ZNF644: variants seen among roughly 807,000 people sequenced by gnomAD.
ZNF644 encodes zinc finger protein 644.
A neutral mutation model predicts 108.0 loss-of-function variants in ZNF644; 20 were observed. That is an observed-to-expected ratio of 0.19 (90% CI 0.13 to 0.27). The LOEUF (loss-of-function observed/expected upper bound fraction) is 0.27, where lower values mean the gene tolerates loss of function less well. ZNF644 is among the 10% of genes least tolerant of loss of function. The probability of loss-of-function intolerance (pLI) is 1.00; values close to 1 mark genes in which losing one functional copy is unlikely to be tolerated. For missense variants in ZNF644, 1,338 were observed against 1,548.9 expected (o/e 0.86, Z 2.29); for synonymous variants, 542 against 539.1 (o/e 1.01, Z -0.08).
chr1:90,926,409 C>CT lies in ZNF644; in HGVS notation c.3689-8256dup, dbSNP rs74343211. The stretch of plus-strand genomic sequence containing the variant: ...TAGCCAACCCATTCAACATAACTTC[C>CT]TGTCTCACCCTTCCTCCTTTGAAGG... On this transcript the variant is annotated intron_variant, in intron 4 of 5. Coordinates refer to ENST00000337393, the MANE Select transcript of ZNF644 (RefSeq NM_201269.3). 1.1e-4 allele frequency among the ~76,000 whole-genome samples: 17 copies of CT among 152,274 alleles called. No individual in the cohort carries two copies. In the East Asian group the frequency reaches 3.3e-3, roughly 29 times the overall value.
intron 1 of ZNF644, chr1:91,020,760 G>A (rs1170699664): frequency 1.3e-5 from 2 of 151,958 alleles, no homozygotes; most frequent in African/African-American, 4.8e-5. Flanking sequence ...ACTACTGCAG[G>A]GAGGGAATAC....
In ZNF644 at chr1:90,937,668, G is replaced by A. The variant is rs1651479352; in HGVS notation, c.3505C>T (p.Leu1169Phe). 1.2e-6 allele frequency: 2 copies of A among 1,613,926 alleles called. No individual in the cohort carries two copies. Among genetic ancestry groups the A allele is most frequent in the East Asian group, 2.2e-5 (1 of 44,860 alleles). The change falls in exon 4 of 6, where the codon CTT becomes TTT. Residue 1169 changes from leucine to phenylalanine, a missense_variant. By Grantham distance (22) the Leu-to-Phe change is conservative. Transcript: ENST00000337393. ...TTTTTAAGAAGTTCTATGAGTGTAA[G>A]AGACTGATTCTTTTTCCCACTGGGC... ...ELPSGKKNQS[L>F]TLIELLKNKR...
chr1:90,992,913 G>A (rs897895917), intron 1 of ZNF644, among the ~76,000 whole-genome samples: 1 of 152,026 alleles, frequency 6.6e-6, no homozygotes, highest in African/African-American at 2.4e-5. Flanking sequence ...GTGTGGTGGT[G>A]CATGTCTGTG....
intron 2 of ZNF644, among the ~76,000 whole-genome samples, chr1:90,974,357 A>C (rs894586766): frequency 1.1e-4 from 16 of 152,124 alleles, no homozygotes; most frequent in African/African-American, 3.4e-4. Flanking sequence ...AGGGACATTA[A>C]GATTTCACGC....
intron 2 of ZNF644, among the ~76,000 whole-genome samples, chr1:90,960,889 T>C (rs1167406979): frequency 2.6e-5 from 4 of 151,916 alleles, no homozygotes; most frequent in Non-Finnish European, 5.9e-5. Flanking sequence ...ACATCCTCAT[T>C]AAAAGAAAAT....
chr1:91,016,275 C>T (rs993379970), intron 1 of ZNF644, among the ~76,000 whole-genome samples: 1 of 152,192 alleles, frequency 6.6e-6, no homozygotes, highest in Non-Finnish European at 1.5e-5. Context: ...ACTAGTTTTA[C>T]AGTCATACAT....
chr1:90,995,489 CA>C (rs1238496858), intron 1 of ZNF644, among the ~76,000 whole-genome samples: 1 of 151,864 alleles, frequency 6.6e-6, no homozygotes, highest in Admixed American at 6.6e-5. Context: ...AAATAATGGC[CA>C]AAACATTTCA....
rs1557600260 is a variant in ZNF644, at chr1:90,959,846, TCA to T, written c.45-18539_45-18538del. 7.9e-5 allele frequency among the ~76,000 whole-genome samples: 12 copies of T among 152,310 alleles called. No homozygotes were observed. In the South Asian group the frequency reaches 2.5e-3, roughly 32 times the overall value. On this transcript the variant is annotated intron_variant, in intron 2 of 5. Transcript: ENST00000337393. ...AGTCCCTCATCTACAGTTTTACTTT[TCA>T]CAGTTTCAGTTACCTGAAGTCAACC...
At chr1:90,949,291 G>A (rs1404494745) in intron 2 of ZNF644, among the ~76,000 whole-genome samples, 1 of 151,796 alleles carries the variant, frequency 6.6e-6, no homozygotes, top group Non-Finnish European at 1.5e-5. Flanking sequence ...GAACAAAACT[G>A]AAAGTGCTAC....
At chr1:90,918,446 A>G (rs1649054948) in intron 4 of ZNF644, 1 of 294,806 alleles carries the variant, frequency 3.4e-6, no homozygotes. Flanking sequence ...AAATGTAACT[A>G]AATAACTTGA....
chr1:90,980,357 A>G (rs1237263151), intron 2 of ZNF644, among the ~76,000 whole-genome samples: 1 of 152,218 alleles, frequency 6.6e-6, no homozygotes, highest in Admixed American at 6.5e-5. Flanking sequence ...TAGGACTAGA[A>G]CTAGGAATAT....
chr1:90,963,774 G>A (rs1440805323), intron 2 of ZNF644, among the ~76,000 whole-genome samples: 1 of 152,070 alleles, frequency 6.6e-6, no homozygotes, highest in African/African-American at 2.4e-5. Flanking sequence ...AGAAAAAACA[G>A]GGATAGTGAC....
chr1:91,012,965 TGA>T (rs1660097228), intron 1 of ZNF644, among the ~76,000 whole-genome samples: 1 of 152,226 alleles, frequency 6.6e-6, no homozygotes, highest in Non-Finnish European at 1.5e-5. Context: ...ATTCCCTAAA[TGA>T]AACACTTTCC....
At chr1:91,003,396 C>G (rs919165776) in intron 1 of ZNF644, among the ~76,000 whole-genome samples, 4 of 152,060 alleles carry the variant, frequency 2.6e-5, no homozygotes, top group African/African-American at 9.7e-5. Flanking sequence ...ATGGATGAAG[C>G]TGGAAACCAT....
intron 2 of ZNF644, among the ~76,000 whole-genome samples, chr1:90,942,055 G>T (rs145496095): frequency 6.6e-6 from 1 of 151,958 alleles, no homozygotes; most frequent in Non-Finnish European, 1.5e-5. Flanking sequence ...TTAGTAAAGC[G>T]AATTTTAACT....
intron 2 of ZNF644, among the ~76,000 whole-genome samples, chr1:90,948,623 T>C (rs900442960): frequency 2.0e-5 from 3 of 152,220 alleles, no homozygotes; most frequent in Non-Finnish European, 4.4e-5. Context: ...CTGTATTTTT[T>C]ATCTGCATTT....
intron 1 of ZNF644, among the ~76,000 whole-genome samples, chr1:90,986,892 C>T (rs1657154715): frequency 6.6e-6 from 1 of 151,678 alleles, no homozygotes; most frequent in African/African-American, 2.4e-5. Flanking sequence ...AAAATCCACA[C>T]ATGTGGAAAT....
At chr1:90,971,708 C>T (rs916426540) in intron 2 of ZNF644, among the ~76,000 whole-genome samples, 14 of 152,178 alleles carry the variant, frequency 9.2e-5, no homozygotes, top group Middle Eastern at 3.4e-3. Flanking sequence ...TGAGCCACCA[C>T]GCCAGGGCAA....
Position 90,940,501 on chromosome 1 carries a change from T to C in ZNF644, c.853A>G (p.Ile285Val). ...TVDKAPPHSK[I>V]GLEKKRKRKM... ...CGCTTTCTTTTTTTTTCTAGACCTA[T>C]TTTAGAATGAGGTGGAGCTTTATCT... is the stretch of plus-strand genomic sequence containing the variant. Residue 285 changes from isoleucine (I) to valine (V), a missense_variant, in exon 3 of 6, where the codon ATA becomes GTA. Physicochemically the swap from Ile to Val is conservative, Grantham distance 29. Transcript: ENST00000337393. The C allele has an allele frequency of 1.2e-6, 2 of 1,613,846 alleles. No individual in the cohort carries two copies. Among genetic ancestry groups the C allele is most frequent in the Non-Finnish European group, 1.7e-6 (2 of 1,179,872 alleles).
Sources: gnomAD v4.1 joint callset for allele counts (sites outside exome capture counted in the v4.1 genomes callset) on GRCh38, gnomAD v4.1.1 for gene constraint, MANE v1.5 for transcripts, NCBI Gene and HGNC (gene_info 2026-07-23, HGNC 2026-07-21) for gene names.